Variants in RBM47 observed in about 807,000 individuals in gnomAD.
RBM47 encodes the protein RNA-binding protein 47.
Under a neutral mutation model 47.1 loss-of-function variants are expected in RBM47, and 21 were observed. That is an observed-to-expected ratio of 0.45 (90% CI 0.32 to 0.64). The LOEUF is 0.64. RBM47 is among the 30% of genes least tolerant of loss of function. RBM47 has a pLI of 0.05. For missense variants in RBM47, 708 were observed against 870.9 expected, an observed-to-expected ratio of 0.81 and a Z score of 2.35; for synonymous variants, 375 against 361.7, an observed-to-expected ratio of 1.04 and a Z score of -0.42.
intron 2 of RBM47, among the ~76,000 whole-genome samples, chr4:40,485,636 A>G (rs922712501): frequency 6.6e-6 from 1 of 152,216 alleles, no homozygotes; most frequent in Admixed American, 6.5e-5. Flanking sequence ...TTACTATAAG[A>G]ATTAAGTGAG....
Position 40,438,470 on chromosome 4 carries a change from G to C in RBM47, c.424C>G (p.Leu142Val). 6.2e-7 allele frequency: 1 copy of C among 1,613,572 alleles called. No homozygotes were observed. Among genetic ancestry groups the C allele is most frequent in the Middle Eastern group, 1.6e-4 (1 of 6,062 alleles). Residue 142 changes from leucine to valine, a missense_variant, in exon 4 of 7, where the codon CTC (leucine) becomes GTC (valine). Leu to Val is a conservative substitution (Grantham distance 32, BLOSUM62 1). Coordinates refer to ENST00000295971, the MANE Select transcript of RBM47 (RefSeq NM_001098634.2). ...TTGTCCACGCTGCAGCACACGCCGAGCAGGCGGCCCGGGCGGATCTCGTAG... is the reference window on the plus strand; with the variant it reads ...TTGTCCACGCTGCAGCACACGCCGACCAGGCGGCCCGGGCGGATCTCGTAG... ...NNYEIRPGRL[L>V]GVCCSVDNCR...
chr4:40,528,447 A>G (rs1052743471), intron 2 of RBM47, among the ~76,000 whole-genome samples: 1 of 151,794 alleles, frequency 6.6e-6, no homozygotes, highest in Non-Finnish European at 1.5e-5. Flanking sequence ...TCTCACTGAG[A>G]AAACAAGGCA....
At chr4:40,500,032 A>T (rs1168179668) in intron 2 of RBM47, among the ~76,000 whole-genome samples, 1 of 152,248 alleles carries the variant, frequency 6.6e-6, no homozygotes, top group Non-Finnish European at 1.5e-5. Context: ...ATTAAAAAAT[A>T]GGCCGGGCGC....
chr4:40,611,447 G>T (rs569914206), intron 1 of RBM47, among the ~76,000 whole-genome samples: 1 of 152,064 alleles, frequency 6.6e-6, no homozygotes, highest in African/African-American at 2.4e-5. Flanking sequence ...ACCCACATAG[G>T]CCGGGCACGG....
intron 5 of RBM47, among the ~76,000 whole-genome samples, chr4:40,433,845 G>A (rs1711774458): frequency 6.6e-6 from 1 of 152,072 alleles, no homozygotes; most frequent in African/African-American, 2.4e-5. Context: ...GCTTTTAGTG[G>A]GACCTCCCAA....
intron 6 of RBM47, among the ~76,000 whole-genome samples, chr4:40,429,960 T>A (rs1408695937): frequency 6.6e-6 from 1 of 151,776 alleles, no homozygotes; most frequent in African/African-American, 2.4e-5. Context: ...TTTGGGAGGC[T>A]GAGGAGGGCG....
chr4:40,613,104 T>C (rs1736392772), intron 1 of RBM47, among the ~76,000 whole-genome samples: 1 of 152,232 alleles, frequency 6.6e-6, no homozygotes, highest in Admixed American at 6.5e-5. Flanking sequence ...AGTCCAGCTA[T>C]ACACCAGCAT....
intron 5 of RBM47, among the ~76,000 whole-genome samples, chr4:40,433,983 T>G: frequency 1.1e-5 from 1 of 88,898 alleles, no homozygotes. Context: ...TTTGTGTGAG[T>G]GTGTGTGTGT....
At chr4:40,569,671 A>T (rs2154268438) in intron 1 of RBM47, among the ~76,000 whole-genome samples, 1 of 150,292 alleles carries the variant, frequency 6.7e-6, no homozygotes, top group Non-Finnish European at 1.5e-5. Flanking sequence ...GGCCTCCCAA[A>T]GTGCTGGGAT....
intron 2 of RBM47, among the ~76,000 whole-genome samples, chr4:40,476,685 C>T (rs1719654168): frequency 6.6e-6 from 1 of 152,084 alleles, no homozygotes; most frequent in South Asian, 2.1e-4. Context: ...TCAGTTCAGG[C>T]AATTGGGAGG....
intron 3 of RBM47, among the ~76,000 whole-genome samples, chr4:40,466,008 C>T (rs867752344): frequency 7.2e-5 from 11 of 152,008 alleles, no homozygotes; most frequent in African/African-American, 1.9e-4. Flanking sequence ...GGCTCATGTC[C>T]GTAATCCCAG....
At chr4:40,462,417 T>A (rs934709871) in intron 3 of RBM47, among the ~76,000 whole-genome samples, 11 of 152,078 alleles carry the variant, frequency 7.2e-5, no homozygotes, top group African/African-American at 2.7e-4. Flanking sequence ...TCCTCTCTCC[T>A]TCCCTCTGCT....
chr4:40,532,000 CT>C lies in RBM47; in HGVS notation c.-155+12421del, dbSNP rs914974086. Reference sequence around the variant, plus strand: ...GGTTTTGCCATACATCAATCTCTCTCTTTTTTTTTTATCTTTTTTTTTTTTT... The same window carrying C: ...GGTTTTGCCATACATCAATCTCTCTCTTTTTTTTTATCTTTTTTTTTTTTT... On this transcript the variant is annotated intron_variant, in intron 2 of 6. Coordinates refer to ENST00000295971, the MANE Select transcript of RBM47 (RefSeq NM_001098634.2). Among the ~76,000 whole-genome samples the C allele has an allele frequency of 2.4e-3, 359 of 146,812 alleles. 3 individuals are homozygous for C. Among genetic ancestry groups the C allele is most frequent in the African/African-American group, 8.5e-3 (341 of 40,028 alleles).
chr4:40,481,896 G>A (rs182485908), intron 2 of RBM47, among the ~76,000 whole-genome samples: 7 of 152,242 alleles, frequency 4.6e-5, no homozygotes, highest in African/African-American at 7.2e-5. Context: ...TGTTGGCCAC[G>A]CTGGTCTCGA....
chr4:40,570,305 C>T lies in RBM47; in HGVS notation c.-239-25799G>A, dbSNP rs561541372. ...CACCACAATGTAGAATCAGTGGGAGCCCTGAGCTTGTTTTCTTGCAACTAG... is the reference window on the plus strand; with the variant it reads ...CACCACAATGTAGAATCAGTGGGAGTCCTGAGCTTGTTTTCTTGCAACTAG... On this transcript the variant is annotated intron_variant, in intron 1 of 6. Transcript: ENST00000295971. Among the ~76,000 whole-genome samples, 67 of 151,826 alleles carry T rather than the reference C, an allele frequency of 4.4e-4. 1 individual carries two copies. The highest frequency in any genetic ancestry group is 1.5e-3 in the African/African-American group (63 of 41,410).
At chr4:40,583,572 G>T (rs1179712887) in intron 1 of RBM47, among the ~76,000 whole-genome samples, 1 of 151,828 alleles carries the variant, frequency 6.6e-6, no homozygotes, top group Non-Finnish European at 1.5e-5. Flanking sequence ...CTTAAAAGCA[G>T]AATGGGCCAG....
intron 2 of RBM47, among the ~76,000 whole-genome samples, chr4:40,529,000 T>G (rs1299214570): frequency 6.6e-6 from 1 of 151,364 alleles, no homozygotes; most frequent in Non-Finnish European, 1.5e-5. Context: ...AAGAAAGAAA[T>G]AATAAAACAG....
intron 2 of RBM47, among the ~76,000 whole-genome samples, chr4:40,512,652 T>A (rs1365285199): frequency 6.7e-6 from 1 of 148,384 alleles, no homozygotes; most frequent in Non-Finnish European, 1.5e-5. Flanking sequence ...GAGGCAGAGG[T>A]TGCAGTGAGC....
chr4:40,535,905 T>A (rs2018129), intron 2 of RBM47, among the ~76,000 whole-genome samples: 30,583 of 152,026 alleles, frequency 0.2, 3,684 homozygotes, highest in African/African-American at 0.33. Context: ...TTCACCATGT[T>A]GGCCAGGCTG....
Sources: gnomAD v4.1 joint callset for allele counts (sites outside exome capture counted in the v4.1 genomes callset) on GRCh38, gnomAD v4.1.1 for gene constraint, MANE v1.5 for transcripts, NCBI Gene and HGNC (gene_info 2026-07-23, HGNC 2026-07-21) for gene names.